The following AHCTF1 variants were observed in gnomAD, a reference collection of about 807,000 sequenced individuals.
AHCTF1 encodes the protein protein ELYS.
In AHCTF1, 24 loss-of-function variants were observed where a neutral mutation model predicts 248.4. The observed-to-expected ratio is 0.10, with a 90% CI of 0.07 to 0.14. The LOEUF is 0.14. Among genes scored for constraint, AHCTF1 ranks in the 10% least tolerant of loss-of-function variants. AHCTF1 has a pLI of 1.00. For synonymous variants in AHCTF1, 786 were observed against 929.8 expected (o/e 0.85, Z 2.81); for missense variants, 2,206 against 2,636.2 (o/e 0.84, Z 3.57).
intron 21 of AHCTF1, among the ~76,000 whole-genome samples, chr1:246,882,911 A>G (rs1227462850): frequency 6.6e-6 from 1 of 152,236 alleles, no homozygotes; most frequent in Non-Finnish European, 1.5e-5. Context: ...TCAGGCTCAG[A>G]GAGGATAACT....
In AHCTF1 at chr1:246,851,461, A is replaced by C. The variant is rs1252600142; in HGVS notation, c.4564-19T>G. On this transcript the variant is annotated intron_variant, in intron 32 of 35. Transcript: ENST00000648844. ...CAATCACCTAAATGAATTAAAGATA[A>C]GAGACTGGTTAAAGAATTTTAATAC... is the stretch of plus-strand genomic sequence containing the variant. The C allele has an allele frequency of 6.3e-7, 1 of 1,575,740 alleles. No homozygotes were observed. The highest frequency in any genetic ancestry group is 1.4e-5 in the African/African-American group (1 of 72,976).
chr1:246,898,639 CACACACACACACACACACACACACAG>C (rs1008337621), intron 11 of AHCTF1, among the ~76,000 whole-genome samples: 13 of 142,428 alleles, frequency 9.1e-5, no homozygotes, highest in African/African-American at 3.4e-4. Context: ...CACACACACA[CACACACACACACACACACACACACAG>C]GAAAACTCCT....
At chr1:246,858,488 TTCACTA>T (rs1318311942) in intron 29 of AHCTF1, among the ~76,000 whole-genome samples, 2 of 152,196 alleles carry the variant, frequency 1.3e-5, no homozygotes, top group Non-Finnish European at 1.5e-5. Flanking sequence ...CAAATCTAGC[TTCACTA>T]TAGAGTTTGT....
intron 2 of AHCTF1, among the ~76,000 whole-genome samples, chr1:246,917,514 T>C (rs1666229772): frequency 6.6e-6 from 1 of 152,172 alleles, no homozygotes; most frequent in African/African-American, 2.4e-5. Context: ...AATAAATGAT[T>C]TCATTCTCAG....
chr1:246,841,309 G>A (rs1010322554), intron 35 of AHCTF1, among the ~76,000 whole-genome samples: 3 of 152,162 alleles, frequency 2.0e-5, no homozygotes, highest in African/African-American at 2.4e-5. Flanking sequence ...AGGACGGGCC[G>A]AGTACCAGTT....
At chr1:246,907,105 G>A (rs1665446238) in intron 5 of AHCTF1, among the ~76,000 whole-genome samples, 1 of 152,176 alleles carries the variant, frequency 6.6e-6, no homozygotes, top group African/African-American at 2.4e-5. Context: ...GGTATAGCCT[G>A]TTGCTCTTAG....
intron 33 of AHCTF1, among the ~76,000 whole-genome samples, chr1:246,847,521 G>A (rs1660368877): frequency 1.3e-5 from 2 of 152,076 alleles, no homozygotes; most frequent in Non-Finnish European, 2.9e-5. Flanking sequence ...GTTTTGAGAC[G>A]TGGTCTTGCT....
In AHCTF1 at chr1:246,849,742, A is replaced by G; in HGVS notation, c.6264T>C (p.Ala2088=). The part of the protein sequence containing the change: ...NEQEERLLAT[A]SFTKSSRSSR... ...TGCTGCGGGATGATTTAGTGAAGGA[A>G]GCTGTGGCGAGCAATCTTTCTTCCT... is the stretch of plus-strand genomic sequence containing the variant. Residue 2088 remains alanine, a synonymous_variant, in exon 33 of 36, where the codon GCT becomes GCC. Transcript: ENST00000648844. 15 of 1,613,984 alleles carry G rather than the reference A, an allele frequency of 9.3e-6. No homozygotes were observed. The highest frequency in any genetic ancestry group is 1.3e-5 in the Non-Finnish European group (15 of 1,179,864).
Position 246,902,630 on chromosome 1 carries a change from C to G in AHCTF1, c.1012G>C (p.Gly338Arg). 6.2e-7 allele frequency: 1 copy of G among 1,613,342 alleles called. No individual in the cohort carries two copies. Among genetic ancestry groups the G allele is most frequent in the South Asian group, 1.1e-5 (1 of 91,042 alleles). ...EERYTLDLTGGMFPLRGQTSN... is the reference protein window; with the variant it reads ...EERYTLDLTGRMFPLRGQTSN... Reference sequence around the variant, plus strand: ...GTCTGTCCCCTCAAAGGGAACATGCCACCTGTCAGGTCCAGGGTGTATCTT... The same window carrying G: ...GTCTGTCCCCTCAAAGGGAACATGCGACCTGTCAGGTCCAGGGTGTATCTT... Residue 338 changes from glycine to arginine, a missense_variant, in exon 8 of 36, where the codon GGC becomes CGC. Physicochemically the swap from Gly to Arg is moderately radical, Grantham distance 125. Transcript: ENST00000648844.
chr1:246,855,037 T>G (rs1175113417), intron 31 of AHCTF1, among the ~76,000 whole-genome samples: 1 of 152,254 alleles, frequency 6.6e-6, no homozygotes, highest in Non-Finnish European at 1.5e-5. Flanking sequence ...AAAACTAGTC[T>G]GCTGAAGCTT....
rs1251340159 is a variant in AHCTF1 at position 246,887,215 on chromosome 1, T to A, written c.2468A>T (p.Tyr823Phe). 2.5e-6 allele frequency: 4 copies of A among 1,610,196 alleles called. No individual in the cohort carries two copies. The African/African-American group carries it at 5.4e-5, about 22-fold the overall frequency. The change falls in exon 20 of 36, where the codon TAT becomes TTT. Residue 823 changes from tyrosine (Y) to phenylalanine (F), a missense_variant. By Grantham distance (22) the Tyr-to-Phe change is conservative (BLOSUM62 3). Around this residue, in one of 6 missense-constraint regions of AHCTF1, gnomAD observed 650 missense variants for 870.8 expected, o/e 0.75. Transcript: ENST00000648844. ...QGFWLIDHNDYESGLDLLFHP... is the reference protein window; with the variant it reads ...QGFWLIDHNDFESGLDLLFHP... ...GCTGTAAGTGAATAGACTTACCTCA[T>A]AGTCATTATGATCTATCAACCAAAA... is the stretch of plus-strand genomic sequence containing the variant.
chr1:246,864,846 C>CAAA (rs139015537), intron 26 of AHCTF1, among the ~76,000 whole-genome samples: 30 of 2,260 alleles, frequency 0.013, 12 homozygotes, highest in Non-Finnish European at 0.014. Context: ...GACTCCGTCT[C>CAAA]AAAAAAAAAA....
In AHCTF1 at chr1:246,864,697, G is replaced by A. The variant is rs1334399095; in HGVS notation, c.3348-581C>T. Among the ~76,000 whole-genome samples, 2 of 36,688 alleles carry A rather than the reference G, an allele frequency of 5.5e-5. 1 individual carries two copies. The highest frequency in any genetic ancestry group is 8.2e-5 in the Non-Finnish European group (2 of 24,320). The allele number at this position is 36,688 out of a possible 152,430, so 24.1% of individuals were successfully genotyped here. Reference sequence around the variant, plus strand: ...AAAAATACAAAAAAAAAAATTAGCCGGGCGCGGTGGCGGGCGCCTGTAGTC... The same window carrying A: ...AAAAATACAAAAAAAAAAATTAGCCAGGCGCGGTGGCGGGCGCCTGTAGTC... On this transcript the variant is annotated intron_variant, in intron 26 of 35. Coordinates refer to ENST00000648844, the MANE Select transcript of AHCTF1 (RefSeq NM_001323342.2).
At chr1:246,872,364 G>A (rs1662658669) in intron 24 of AHCTF1, among the ~76,000 whole-genome samples, 1 of 152,024 alleles carries the variant, frequency 6.6e-6, no homozygotes, top group Non-Finnish European at 1.5e-5. Flanking sequence ...AAAAACTTCA[G>A]GTACCTACTA....
At chr1:246,907,907 G>T in intron 4 of AHCTF1, 149 bp from the exon 5 acceptor site, 1 of 657,698 alleles carries the variant, frequency 1.5e-6, no homozygotes, top group Non-Finnish European at 2.5e-6. Context: ...AAAAAAGTAT[G>T]TTAAACTAGA....
chr1:246,931,901 C>A lies in AHCTF1; in HGVS notation c.-331G>T, dbSNP rs1380622084. ...CCCTTGCAACGCTGCCTGCTCGCCT[C>A]GGACAGCGCCGGCCCCGCTCTGCGC... is the stretch of plus-strand genomic sequence containing the variant. On this transcript the variant is annotated 5_prime_UTR_variant, in exon 1 of 36. The change creates a premature stop within an existing upstream ORF in the 5' untranslated region. Transcript: ENST00000648844. 2 of 152,742 alleles carry A rather than the reference C, an allele frequency of 1.3e-5. No individual in the cohort carries two copies. The highest frequency in any genetic ancestry group is 2.9e-5 in the Non-Finnish European group (2 of 68,476). The allele number at this position is 152,742 out of a possible 1,614,324, so 9.5% of individuals were successfully genotyped here.
intron 29 of AHCTF1, 111 bp from the exon 30 acceptor site, chr1:246,857,925 A>C (rs1055710485): frequency 4.3e-6 from 4 of 938,386 alleles, no homozygotes; most frequent in Non-Finnish European, 6.3e-6. Context: ...TTGTTCTTTT[A>C]GGTTTGCTGC....
intron 32 of AHCTF1, among the ~76,000 whole-genome samples, chr1:246,851,695 AAGAC>A (rs1327827720): frequency 6.6e-6 from 1 of 152,226 alleles, no homozygotes; most frequent in Non-Finnish European, 1.5e-5. Flanking sequence ...CCTAGCTAAA[AAGAC>A]AGTCAACAAA....
At chr1:246,855,872 T>C (rs1023894377) in intron 30 of AHCTF1, 45 bp from the exon 31 acceptor site, 1 of 1,506,034 alleles carries the variant, frequency 6.6e-7, no homozygotes, top group Non-Finnish European at 9.2e-7. Context: ...GAAGATCCCA[T>C]CTGCTTTAAC....
Sources: allele counts gnomAD v4.1 joint callset (sites outside exome capture counted in the v4.1 genomes callset), GRCh38; gene constraint gnomAD v4.1.1; regional missense constraint gnomAD v4.1.1; transcripts MANE v1.5; gene names NCBI Gene and HGNC (gene_info 2026-07-23, HGNC 2026-07-21).